The following ARPP21 variants were observed in gnomAD, a reference collection of about 807,000 sequenced individuals.
ARPP21 encodes the protein cAMP regulated phosphoprotein 21, also known as cAMP-regulated phosphoprotein 21.
A neutral mutation model predicts 113.2 loss-of-function variants in ARPP21; 69 were observed. That is an observed-to-expected ratio of 0.61 (90% CI 0.50 to 0.74). The LOEUF (loss-of-function observed/expected upper bound fraction) is 0.74, where lower values mean the gene tolerates loss of function less well. ARPP21 is among the 30% of genes least tolerant of loss of function. ARPP21 has a pLI of 0.00. For missense variants in ARPP21, 1,070 were observed against 1,037.4 expected (o/e 1.03, Z -0.43); for synonymous variants, 368 against 375.5 (o/e 0.98, Z 0.23).
At chr3:35,693,041 C>A (rs2082699913) in intron 9 of ARPP21, among the ~76,000 whole-genome samples, 1 of 151,418 alleles carries the variant, frequency 6.6e-6, no homozygotes, top group African/African-American at 2.4e-5. Context: ...TAGAAGAGTG[C>A]CAGCTTTTTT....
In ARPP21 at chr3:35,681,602, A is replaced by T. The variant is rs2078954366; in HGVS notation, c.-38-112A>T. 7 of 611,416 alleles carry T rather than the reference A, an allele frequency of 1.1e-5. No homozygotes were observed. In the South Asian group the frequency reaches 1.8e-4, roughly 16 times the overall value. 37.9% of individuals were successfully genotyped at this position (611,416 alleles called of 1,614,324 possible). A position where few individuals can be genotyped will look rare whatever the true frequency, so the allele number is the denominator to read the frequency against. On this transcript the variant is annotated intron_variant, in intron 2 of 20. Transcript: ENST00000684406. Reference sequence around the variant, plus strand: ...CTTGTTTTTTCCCCCTTTTGTATAAAATTCTCAAAATTGCTCATTTGGATT... The same window carrying T: ...CTTGTTTTTTCCCCCTTTTGTATAATATTCTCAAAATTGCTCATTTGGATT...
intron 15 of ARPP21, among the ~76,000 whole-genome samples, chr3:35,735,269 G>A (rs902326597): frequency 2.0e-5 from 3 of 151,970 alleles, no homozygotes; most frequent in Non-Finnish European, 2.9e-5. Flanking sequence ...GCACCACCAT[G>A]TCCAGCTAAT....
intron 5 of ARPP21, chr3:35,684,056 A>T (rs753251836): frequency 1.3e-6 from 2 of 1,597,430 alleles, no homozygotes; most frequent in South Asian, 1.1e-5. Context: ...GGAATTCAAA[A>T]GAATTTAGAT....
At chr3:35,728,498 G>A (rs1198869046) in intron 14 of ARPP21, among the ~76,000 whole-genome samples, 2 of 149,994 alleles carry the variant, frequency 1.3e-5, no homozygotes, top group East Asian at 2.0e-4. Context: ...GATTACAGGC[G>A]TGAACCACTG....
At chr3:35,743,714 G>T in intron 18 of ARPP21, 125 bp from the exon 19 acceptor site, 1 of 933,480 alleles carries the variant, frequency 1.1e-6, no homozygotes, top group Non-Finnish European at 1.7e-6. Flanking sequence ...ACATAGGCAT[G>T]GGAGAAGTTT....
At chr3:35,761,567 A>C (rs2095779561) in intron 19 of ARPP21, among the ~76,000 whole-genome samples, 1 of 152,106 alleles carries the variant, frequency 6.6e-6, no homozygotes, top group Admixed American at 6.6e-5. Context: ...TGTTGCTAAA[A>C]AAACAAACAA....
chr3:35,664,741 T>C (rs998307841), intron 1 of ARPP21, among the ~76,000 whole-genome samples: 1 of 152,118 alleles, frequency 6.6e-6, no homozygotes, highest in Non-Finnish European at 1.5e-5. Flanking sequence ...GTTTCCTTGG[T>C]CATGCGCCCC....
chr3:35,688,793 G>A (rs1290801153), intron 6 of ARPP21, among the ~76,000 whole-genome samples: 1 of 151,528 alleles, frequency 6.6e-6, no homozygotes, highest in Non-Finnish European at 1.5e-5. Context: ...GCTTTGGACA[G>A]CATTAGGATA....
intron 11 of ARPP21, among the ~76,000 whole-genome samples, 189 bp downstream of exon 11, chr3:35,709,259 G>T (rs906446373): frequency 2.0e-5 from 3 of 152,180 alleles, no homozygotes; most frequent in Non-Finnish European, 4.4e-5. Context: ...CTAGCCAAGG[G>T]TTTGGGTGTG....
Position 35,681,851 on chromosome 3 carries a change from C to A in ARPP21, c.100C>A (p.Leu34Met). The A allele has an allele frequency of 1.2e-6, 2 of 1,612,006 alleles. No homozygotes were observed. Among genetic ancestry groups the A allele is most frequent in the Non-Finnish European group, 8.5e-7 (1 of 1,178,668 alleles). ...PENGIVKSES[L>M]DEEEKLELQR... ...GAACGGCATTGTTAAATCAGAAAGT[C>A]TGGATGAAGAGGAGAAACTGGAACT... Residue 34 changes from leucine to methionine, a missense_variant, in exon 3 of 21, where the codon CTG becomes ATG. Leu to Met is a conservative substitution (Grantham distance 15). Transcript: ENST00000684406.
intron 1 of ARPP21, among the ~76,000 whole-genome samples, chr3:35,658,388 T>A (rs1050198271): frequency 2.0e-5 from 3 of 152,130 alleles, no homozygotes; most frequent in African/African-American, 7.2e-5. Flanking sequence ...TTTTTGGCAT[T>A]TTGTACATGA....
At chr3:35,727,706 T>A (rs945367375) in intron 14 of ARPP21, among the ~76,000 whole-genome samples, 3 of 152,234 alleles carry the variant, frequency 2.0e-5, no homozygotes, top group Admixed American at 1.3e-4. Context: ...CAACCTGTGA[T>A]ATTACACAAG....
At chr3:35,697,019 C>G (rs974499579) in intron 9 of ARPP21, among the ~76,000 whole-genome samples, 2 of 151,672 alleles carry the variant, frequency 1.3e-5, no homozygotes, top group Non-Finnish European at 3.0e-5. Context: ...AGACTAGAAA[C>G]CATCCTCTTG....
chr3:35,736,270 G>A lies in ARPP21; in HGVS notation c.1460-908G>A, dbSNP rs185919908. Among the ~76,000 whole-genome samples the A allele has an allele frequency of 3.9e-5, 6 of 152,170 alleles. No homozygotes were observed. In the East Asian group the frequency reaches 1.2e-3, roughly 29 times the overall value. ...TACTGTGCTTGCCACATAGAAAATCGGTTTGTTCTCTCCTTTATGCCCCCA... is the reference window on the plus strand; with the variant it reads ...TACTGTGCTTGCCACATAGAAAATCAGTTTGTTCTCTCCTTTATGCCCCCA... On this transcript the variant is annotated intron_variant, in intron 15 of 20. Coordinates refer to ENST00000684406, the MANE Select transcript of ARPP21 (RefSeq NM_001385562.1).
At chr3:35,771,260 T>A (rs1313399883) in intron 19 of ARPP21, among the ~76,000 whole-genome samples, 1 of 151,940 alleles carries the variant, frequency 6.6e-6, no homozygotes, top group Non-Finnish European at 1.5e-5. Flanking sequence ...TGCCTCAGAG[T>A]TACCTGCAGG....
chr3:35,726,075 G>T (rs1012356045), intron 14 of ARPP21, among the ~76,000 whole-genome samples: 2 of 152,178 alleles, frequency 1.3e-5, no homozygotes, highest in Admixed American at 6.5e-5. Context: ...TCAAAATGAG[G>T]CTGCTGTAAA....
intron 15 of ARPP21, 149 bp downstream of exon 15, chr3:35,729,685 A>G (rs1229802377): frequency 1.5e-6 from 1 of 656,316 alleles, no homozygotes; most frequent in Admixed American, 2.7e-5. Context: ...TTGTTTAGAA[A>G]GAGCAGATTT....
At chr3:35,790,999 A>G (rs1042867745) in intron 19 of ARPP21, among the ~76,000 whole-genome samples, 4 of 152,154 alleles carry the variant, frequency 2.6e-5, no homozygotes, top group African/African-American at 9.7e-5. Flanking sequence ...TTGCTCTCCA[A>G]TTCTCCAAAC....
At chr3:35,668,027 A>AAGAAGGAGAAGG (rs1181658287) in intron 1 of ARPP21, among the ~76,000 whole-genome samples, 10 of 132,466 alleles carry the variant, frequency 7.5e-5, no homozygotes, top group African/African-American at 2.5e-4. Context: ...GAAGAAGAAG[A>AAGAAGGAGAAGG]AGAAGGAGAA....
Sources: allele counts gnomAD v4.1 joint callset (sites outside exome capture counted in the v4.1 genomes callset), GRCh38; gene constraint gnomAD v4.1.1; transcripts MANE v1.5; gene names NCBI Gene and HGNC (gene_info 2026-07-23, HGNC 2026-07-21).